The following PDE7A variants were observed in gnomAD, a reference collection of about 807,000 sequenced individuals.
PDE7A encodes phosphodiesterase 7A.
A neutral mutation model predicts 64.3 loss-of-function variants in PDE7A; 39 were observed. That is an observed-to-expected ratio of 0.61 (90% confidence interval 0.47 to 0.79). PDE7A has a LOEUF of 0.79. PDE7A is among the 30% of genes least tolerant of loss of function. The pLI is 0.00. For missense variants in PDE7A, 470 were observed against 582.8 expected (o/e 0.81, Z 1.99); for synonymous variants, 203 against 206.8 (o/e 0.98, Z 0.16).
intron 3 of PDE7A, among the ~76,000 whole-genome samples, chr8:65,752,575 A>T (rs563995400): frequency 6.6e-5 from 10 of 152,142 alleles, no homozygotes; most frequent in Non-Finnish European, 1.2e-4. Context: ...GGCCGCCCAC[A>T]GAATTCTTTC....
At chr8:65,728,723 A>G (rs982694287) in intron 7 of PDE7A, 12 of 152,202 alleles carry the variant, frequency 7.9e-5, no homozygotes, top group African/African-American at 2.9e-4. Flanking sequence ...TGAACATGTA[A>G]TTTATTAGGC....
chr8:65,829,847 A>G (rs951009155), intron 1 of PDE7A, among the ~76,000 whole-genome samples: 3 of 152,164 alleles, frequency 2.0e-5, no homozygotes, highest in African/African-American at 7.2e-5. Context: ...AGCTATGGAG[A>G]GCAGCAAAAT....
intron 3 of PDE7A, among the ~76,000 whole-genome samples, chr8:65,759,688 T>C (rs1402568150): frequency 1.3e-5 from 2 of 152,212 alleles, no homozygotes; most frequent in East Asian, 1.9e-4. Flanking sequence ...TCATTTTGAA[T>C]GGCATTCACC....
At chr8:65,786,692 T>C (rs1809566987) in intron 1 of PDE7A, among the ~76,000 whole-genome samples, 1 of 152,256 alleles carries the variant, frequency 6.6e-6, no homozygotes. Context: ...TGTGTCACAC[T>C]GTCAGTCATA....
At chr8:65,841,061 C>T (rs2128936471) in intron 1 of PDE7A, among the ~76,000 whole-genome samples, 1 of 152,316 alleles carries the variant, frequency 6.6e-6, no homozygotes, top group Middle Eastern at 3.4e-3. Flanking sequence ...GACTCAACTT[C>T]CAGACCGAAA....
intron 3 of PDE7A, 59 bp downstream of exon 3, chr8:65,779,661 G>T: frequency 2.2e-6 from 2 of 890,426 alleles, no homozygotes; most frequent in African/African-American, 1.7e-5. Flanking sequence ...GGAAAACTGT[G>T]TAATTTTATT....
At chr8:65,736,793 T>A (rs1182110174) in intron 6 of PDE7A, among the ~76,000 whole-genome samples, 1 of 150,214 alleles carries the variant, frequency 6.7e-6, no homozygotes, top group Non-Finnish European at 1.5e-5. Flanking sequence ...TTTATCTGTT[T>A]TTTTTTTTTT....
intron 1 of PDE7A, among the ~76,000 whole-genome samples, chr8:65,810,959 G>T (rs1197720299): frequency 6.6e-6 from 1 of 151,826 alleles, no homozygotes. Flanking sequence ...CAACCAATTA[G>T]GTAGAAAACA....
chr8:65,823,206 A>T (rs1050997254), intron 1 of PDE7A, among the ~76,000 whole-genome samples: 1 of 152,128 alleles, frequency 6.6e-6, no homozygotes, highest in African/African-American at 2.4e-5. Flanking sequence ...CTCAAATAGA[A>T]ATGAGCTGAG....
intron 1 of PDE7A, among the ~76,000 whole-genome samples, chr8:65,796,086 C>T (rs1809834554): frequency 6.7e-6 from 1 of 149,836 alleles, no homozygotes; most frequent in East Asian, 1.9e-4. Context: ...ACCTGATGCA[C>T]ACAGAGAAAC....
rs150108971 is a variant in PDE7A, at chr8:65,812,798, A to C, written c.138+28573T>G. 4.4e-4 allele frequency among the ~76,000 whole-genome samples: 67 copies of C among 152,330 alleles called. 1 individual carries two copies. In the East Asian group the frequency reaches 0.011, roughly 25 times the overall value. On this transcript the variant is annotated intron_variant, in intron 1 of 12. Transcript: ENST00000401827. ...CTTTTAATAGAAGCAAAACAAACCT[A>C]ATGAGATACCTTTTTATTTTAACCT...
At chr8:65,815,876 A>C (rs1357247867) in intron 1 of PDE7A, among the ~76,000 whole-genome samples, 2 of 152,200 alleles carry the variant, frequency 1.3e-5, no homozygotes, top group African/African-American at 4.8e-5. Context: ...TATACCTCCG[A>C]CTACATCTTA....
chr8:65,812,909 C>A (rs1810291188), intron 1 of PDE7A, among the ~76,000 whole-genome samples: 1 of 152,108 alleles, frequency 6.6e-6, no homozygotes, highest in Admixed American at 6.5e-5. Context: ...AACAGATACC[C>A]GCACTGTTCA....
chr8:65,740,048 C>T (rs1807338336), intron 5 of PDE7A, among the ~76,000 whole-genome samples: 2 of 151,864 alleles, frequency 1.3e-5, no homozygotes. Flanking sequence ...GAGAATGTGT[C>T]TATTCTCATC....
intron 9 of PDE7A, among the ~76,000 whole-genome samples, 195 bp downstream of exon 9, chr8:65,726,680 T>A (rs923815703): frequency 6.6e-6 from 1 of 152,224 alleles, no homozygotes; most frequent in Non-Finnish European, 1.5e-5. Context: ...TAAAAATAAC[T>A]ATCCATTAAA....
At chr8:65,775,774 C>T (rs556471488) in intron 3 of PDE7A, among the ~76,000 whole-genome samples, 10 of 152,266 alleles carry the variant, frequency 6.6e-5, no homozygotes, top group East Asian at 5.8e-4. Flanking sequence ...ATTACAGGCA[C>T]GCACCACTGC....
intron 7 of PDE7A, among the ~76,000 whole-genome samples, chr8:65,729,026 A>G (rs1314293808): frequency 6.6e-6 from 1 of 152,218 alleles, no homozygotes; most frequent in Non-Finnish European, 1.5e-5. Flanking sequence ...TTCATCAGAA[A>G]CAAAATTTTC....
chr8:65,730,420 T>TCCA (rs1806833080), intron 7 of PDE7A, among the ~76,000 whole-genome samples: 1 of 151,658 alleles, frequency 6.6e-6, no homozygotes. Context: ...CCTCAGGTGA[T>TCCA]CCACCTGCCT....
chr8:65,790,033 A>G (rs1261779607), intron 1 of PDE7A, among the ~76,000 whole-genome samples: 1 of 152,268 alleles, frequency 6.6e-6, no homozygotes, highest in Non-Finnish European at 1.5e-5. Flanking sequence ...GACTTCTTCC[A>G]GAATCTCTGA....
Sources: allele counts gnomAD v4.1 joint callset (sites outside exome capture counted in the v4.1 genomes callset), GRCh38; gene constraint gnomAD v4.1.1; transcripts MANE v1.5; gene names NCBI Gene and HGNC (gene_info 2026-07-23, HGNC 2026-07-21).